Variants in DPYD observed in about 807,000 individuals in gnomAD.
The protein encoded by DPYD is dihydropyrimidine dehydrogenase [NADP(+)].
A neutral mutation model predicts 116.2 loss-of-function variants in DPYD; 109 were observed. The observed-to-expected ratio is 0.94, with a 90% confidence interval of 0.80 to 1.10. The LOEUF (loss-of-function observed/expected upper bound fraction) is 1.10. Ranked by LOEUF, DPYD falls within the 50% of genes least tolerant of loss-of-function variation. The pLI is 0.00. For missense variants in DPYD, 1,302 were observed against 1,254.5 expected, an observed-to-expected ratio of 1.04 and a Z score of -0.57; for synonymous variants, 440 against 432.0, an observed-to-expected ratio of 1.02 and a Z score of -0.23.
chr1:97,346,017 T>G (rs552559371), intron 16 of DPYD, among the ~76,000 whole-genome samples: 1 of 152,010 alleles, frequency 6.6e-6, no homozygotes, highest in Admixed American at 6.6e-5. Context: ...AGTAAGTTTT[T>G]ATTTCTCATT....
chr1:97,401,641 C>A (rs970445043), intron 14 of DPYD, among the ~76,000 whole-genome samples: 1 of 151,948 alleles, frequency 6.6e-6, no homozygotes, highest in African/African-American at 2.4e-5. Context: ...TGAAACCCAG[C>A]GTATCAATAA....
At chr1:97,552,612 T>C (rs568191748) in intron 11 of DPYD, among the ~76,000 whole-genome samples, 3 of 152,080 alleles carry the variant, frequency 2.0e-5, no homozygotes, top group Non-Finnish European at 4.4e-5. Flanking sequence ...AAAAATAAGC[T>C]TTCTTTCCTT....
intron 3 of DPYD, among the ~76,000 whole-genome samples, chr1:97,822,910 A>G (rs550718452): frequency 2.8e-4 from 42 of 152,214 alleles, no homozygotes; most frequent in Non-Finnish European, 4.1e-4. Context: ...TGAGTTCCCA[A>G]TTTTTAAAAT....
chr1:97,628,668 A>C (rs767758726), intron 8 of DPYD, among the ~76,000 whole-genome samples: 2 of 152,094 alleles, frequency 1.3e-5, no homozygotes, highest in African/African-American at 2.4e-5. Flanking sequence ...ATGATAGCCA[A>C]GTCCAACTTA....
intron 16 of DPYD, among the ~76,000 whole-genome samples, chr1:97,343,552 G>A (rs879281955): frequency 6.6e-6 from 1 of 151,942 alleles, no homozygotes; most frequent in South Asian, 2.1e-4. Context: ...TTGTTTTGTT[G>A]CTTCTATAGC....
chr1:97,579,606 T>C (rs536499257), intron 10 of DPYD, among the ~76,000 whole-genome samples: 1 of 152,358 alleles, frequency 6.6e-6, no homozygotes, highest in Non-Finnish European at 1.5e-5. Context: ...CACATGTCAG[T>C]GTTAGTGCCT....
At chr1:97,264,558 G>A (rs1664109243) in intron 18 of DPYD, among the ~76,000 whole-genome samples, 1 of 151,960 alleles carries the variant, frequency 6.6e-6, no homozygotes, top group Non-Finnish European at 1.5e-5. Flanking sequence ...AATCATATTT[G>A]TTTTACTAAG....
chr1:97,351,528 G>A (rs1670143038), intron 16 of DPYD, among the ~76,000 whole-genome samples: 1 of 152,008 alleles, frequency 6.6e-6, no homozygotes, highest in South Asian at 2.1e-4. Flanking sequence ...AGAGATATGA[G>A]GTCAAGGGGA....
At chr1:97,531,523 C>T (rs1356621268) in intron 12 of DPYD, among the ~76,000 whole-genome samples, 1 of 152,128 alleles carries the variant, frequency 6.6e-6, no homozygotes, top group Non-Finnish European at 1.5e-5. Flanking sequence ...TAGCATACTA[C>T]TCTGATTATT....
At chr1:97,432,209 G>A (rs1364982364) in intron 14 of DPYD, among the ~76,000 whole-genome samples, 1 of 151,968 alleles carries the variant, frequency 6.6e-6, no homozygotes, top group Non-Finnish European at 1.5e-5. Flanking sequence ...ATTTCTTTTG[G>A]ATATATTCCC....
chr1:97,520,952 T>TTA (rs1648611884), intron 12 of DPYD, among the ~76,000 whole-genome samples: 1 of 152,154 alleles, frequency 6.6e-6, no homozygotes, highest in Non-Finnish European at 1.5e-5. Flanking sequence ...GCATATCTCT[T>TTA]TATAGTAGAA....
intron 19 of DPYD, among the ~76,000 whole-genome samples, chr1:97,223,632 A>G (rs1660923707): frequency 6.6e-6 from 1 of 152,070 alleles, no homozygotes; most frequent in Non-Finnish European, 1.5e-5. Context: ...GAAGGTGAAC[A>G]TTTTATAATG....
Position 97,660,752 on chromosome 1 carries a change from A to G in DPYD, c.850+18343T>C, listed in dbSNP as rs77046891. On this transcript the variant is annotated intron_variant, in intron 8 of 22. Transcript: ENST00000370192. ...TGAACTCACTTGGCTGACATGTTCC[A>G]CCTTAGAACTTTTTCTGTCTTCACT... 1.2e-3 allele frequency among the ~76,000 whole-genome samples: 182 copies of G among 152,276 alleles called. 1 individual carries two copies. The highest frequency in any genetic ancestry group is 3.9e-3 in the East Asian group (20 of 5,184).
intron 16 of DPYD, among the ~76,000 whole-genome samples, chr1:97,316,260 A>G (rs1667825925): frequency 1.3e-5 from 2 of 151,244 alleles, no homozygotes; most frequent in Non-Finnish European, 3.0e-5. Context: ...AAGACTGAGG[A>G]GGGTGGATCA....
At chr1:97,098,355 G>A in intron 21 of DPYD, 134 bp downstream of exon 21, 1 of 1,045,986 alleles carries the variant, frequency 9.6e-7, no homozygotes, top group Non-Finnish European at 1.4e-6. Flanking sequence ...ACCATGGACA[G>A]ATGTTTTTAA....
chr1:97,161,735 CA>C (rs1294090561), intron 20 of DPYD, among the ~76,000 whole-genome samples: 1 of 113,882 alleles, frequency 8.8e-6, no homozygotes. Context: ...CCCCACCCCA[CA>C]ACAGTCCCCA....
intron 16 of DPYD, among the ~76,000 whole-genome samples, chr1:97,337,948 C>G (rs187872289): frequency 3.8e-4 from 58 of 152,236 alleles, no homozygotes; most frequent in South Asian, 2.1e-3. Flanking sequence ...CTAAATCTCC[C>G]AGGCAGAATG....
At chr1:97,771,248 C>A (rs10783075) in intron 3 of DPYD, among the ~76,000 whole-genome samples, 1 of 152,176 alleles carries the variant, frequency 6.6e-6, no homozygotes, top group African/African-American at 2.4e-5. Flanking sequence ...GGTGACAGAA[C>A]GAGACTTTGT....
chr1:97,222,480 G>A (rs549582341), intron 19 of DPYD, among the ~76,000 whole-genome samples: 31 of 152,192 alleles, frequency 2.0e-4, no homozygotes, highest in African/African-American at 6.7e-4. Context: ...TGGAGAATGT[G>A]TAGTCACTCA....
Sources: gnomAD v4.1 joint callset for allele counts (sites outside exome capture counted in the v4.1 genomes callset) on GRCh38, gnomAD v4.1.1 for gene constraint, MANE v1.5 for transcripts, NCBI Gene and HGNC (gene_info 2026-07-23, HGNC 2026-07-21) for gene names.